NCAM1: variants seen among roughly 807,000 people sequenced by gnomAD.
NCAM1 encodes the protein antigen recognized by monoclonal antibody 5.1H11.
In NCAM1, 14 loss-of-function variants were observed where a neutral mutation model predicts 109.8. The ratio of observed to expected loss-of-function variants is 0.13; its 90% CI spans 0.08 to 0.20. The LOEUF is 0.20. Among genes scored for constraint, NCAM1 ranks in the 10% least tolerant of loss-of-function variants. The pLI, the probability that NCAM1 is intolerant of heterozygous loss-of-function variation, is 1.00. For synonymous variants in NCAM1, 418 were observed against 442.9 expected (o/e 0.94, Z 0.70); for missense variants, 774 against 1,109.9 (o/e 0.70, Z 4.30).
intron 1 of NCAM1, among the ~76,000 whole-genome samples, chr11:112,973,382 A>T: frequency 6.6e-6 from 1 of 152,178 alleles, no homozygotes; most frequent in East Asian, 1.9e-4. Flanking sequence ...AAGGCCTGTT[A>T]TCAAGGGCAT....
chr11:113,227,194 TAAA>T (rs1944877475), intron 9 of NCAM1, among the ~76,000 whole-genome samples: 1 of 148,208 alleles, frequency 6.7e-6, no homozygotes, highest in Non-Finnish European at 1.5e-5. Flanking sequence ...GCAAGACTAA[TAAA>T]GAAGAAAAGA....
intron 1 of NCAM1, among the ~76,000 whole-genome samples, chr11:113,078,565 A>T (rs1013760800): frequency 1.3e-5 from 2 of 152,020 alleles, no homozygotes; most frequent in African/African-American, 4.8e-5. Flanking sequence ...CCATGTTTGG[A>T]TGGGGAGTGG....
chr11:113,068,496 C>A (rs1565416800), intron 1 of NCAM1, among the ~76,000 whole-genome samples: 3 of 152,172 alleles, frequency 2.0e-5, no homozygotes, highest in Admixed American at 6.5e-5. Context: ...ATATTAATGT[C>A]TTGGAGAATA....
intron 1 of NCAM1, among the ~76,000 whole-genome samples, chr11:113,166,412 C>A (rs1555105288): frequency 1.3e-5 from 2 of 152,210 alleles, no homozygotes; most frequent in Non-Finnish European, 2.9e-5. Flanking sequence ...CAGCCAGAGG[C>A]ACTCCTCTAC....
Position 113,207,282 on chromosome 11 carries a change from G to T in NCAM1, c.650G>T (p.Arg217Met), listed in dbSNP as rs1555113006. Residue 217 changes from arginine to methionine, a missense_variant, in exon 6 of 20, where the codon AGG becomes ATG. By Grantham distance (91) the Arg-to-Met change is moderately conservative. Transcript: ENST00000316851. ...IVNVPPTIQA[R>M]QNIVNATANL... Reference sequence around the variant, plus strand: ...TCAGTGCCACCTACCATCCAGGCCAGGCAGAATATTGTGAATGCCACCGCC... The same window carrying T: ...TCAGTGCCACCTACCATCCAGGCCATGCAGAATATTGTGAATGCCACCGCC... The T allele has an allele frequency of 1.2e-6, 2 of 1,613,954 alleles. No homozygotes were observed. The highest frequency in any genetic ancestry group is 3.3e-5 in the Admixed American group (2 of 60,020).
At chr11:113,168,688 A>C (rs1942889019) in intron 1 of NCAM1, among the ~76,000 whole-genome samples, 1 of 152,310 alleles carries the variant, frequency 6.6e-6, no homozygotes, top group African/African-American at 2.4e-5. Context: ...GTAGGAAGAA[A>C]TTCTGTTTCT....
intron 1 of NCAM1, among the ~76,000 whole-genome samples, chr11:113,165,549 C>A (rs1181028400): frequency 6.6e-6 from 1 of 152,180 alleles, no homozygotes; most frequent in Non-Finnish European, 1.5e-5. Context: ...ACCTTTGAGA[C>A]ATCTGGTCGT....
chr11:113,069,096 G>A (rs1938131811), intron 1 of NCAM1, among the ~76,000 whole-genome samples: 1 of 152,142 alleles, frequency 6.6e-6, no homozygotes, highest in South Asian at 2.1e-4. Flanking sequence ...AGATGAGTAG[G>A]AAGTGGGCCC....
At chr11:113,076,646 C>T (rs547291011) in intron 1 of NCAM1, among the ~76,000 whole-genome samples, 6 of 152,210 alleles carry the variant, frequency 3.9e-5, no homozygotes, top group Admixed American at 3.3e-4. Flanking sequence ...TGGTAGAATC[C>T]AAAATATTCC....
intron 1 of NCAM1, among the ~76,000 whole-genome samples, chr11:113,089,671 A>T (rs372352065): frequency 6.6e-6 from 1 of 152,172 alleles, no homozygotes; most frequent in African/African-American, 2.4e-5. Flanking sequence ...ATGTATTGCA[A>T]GAGTTTGGAA....
chr11:113,263,039 A>G, intron 17 of NCAM1: 1 of 1,500,690 alleles, frequency 6.7e-7, no homozygotes, highest in Non-Finnish European at 8.9e-7. Flanking sequence ...CTGAGCAACC[A>G]TTCTGTGTGG....
chr11:113,040,526 A>G (rs973076664), intron 1 of NCAM1, among the ~76,000 whole-genome samples: 2 of 152,198 alleles, frequency 1.3e-5, no homozygotes, highest in East Asian at 3.8e-4. Flanking sequence ...CTGTGTTCCA[A>G]AACTTTATGT....
At chr11:113,068,767 G>A (rs1461253110) in intron 1 of NCAM1, among the ~76,000 whole-genome samples, 1 of 152,076 alleles carries the variant, frequency 6.6e-6, no homozygotes, top group Admixed American at 6.6e-5. Flanking sequence ...AATATGTGGG[G>A]TTTTGATGAT....
chr11:113,023,611 A>G (rs1952456433), intron 1 of NCAM1, among the ~76,000 whole-genome samples: 2 of 152,222 alleles, frequency 1.3e-5, no homozygotes, highest in East Asian at 3.9e-4. Context: ...TAAACCACCT[A>G]TGTTTGATTA....
chr11:113,243,283 G>C (rs1555119444), intron 14 of NCAM1, among the ~76,000 whole-genome samples: 1 of 152,198 alleles, frequency 6.6e-6, no homozygotes, highest in African/African-American at 2.4e-5. Flanking sequence ...GGCTGCTTGA[G>C]GAAAGGGAGA....
At chr11:113,237,429 G>C (rs1356204083) in intron 14 of NCAM1, among the ~76,000 whole-genome samples, 1 of 152,194 alleles carries the variant, frequency 6.6e-6, no homozygotes, top group Non-Finnish European at 1.5e-5. Flanking sequence ...CTGAGATTTT[G>C]AGCAAGTGCC....
intron 1 of NCAM1, among the ~76,000 whole-genome samples, chr11:113,042,009 T>C (rs549179016): frequency 6.6e-6 from 1 of 152,276 alleles, no homozygotes; most frequent in South Asian, 2.1e-4. Context: ...AAATAATCCA[T>C]CTTTCAGAAG....
intron 9 of NCAM1, among the ~76,000 whole-genome samples, chr11:113,229,543 G>C (rs1398777615): frequency 6.6e-6 from 1 of 152,132 alleles, no homozygotes; most frequent in Non-Finnish European, 1.5e-5. Flanking sequence ...CAGGGATCTA[G>C]AACTAGAAAT....
chr11:113,245,152 G>GAT (rs1476604109), intron 14 of NCAM1, among the ~76,000 whole-genome samples: 1 of 151,604 alleles, frequency 6.6e-6, no homozygotes, highest in East Asian at 1.9e-4. Context: ...CGATTCTAAA[G>GAT]ATATAACTTT....
Sources: gnomAD v4.1 joint callset for allele counts (sites outside exome capture counted in the v4.1 genomes callset) on GRCh38, gnomAD v4.1.1 for gene constraint, MANE v1.5 for transcripts, NCBI Gene and HGNC (gene_info 2026-07-23, HGNC 2026-07-21) for gene names.